GADL1: variants seen among roughly 807,000 people sequenced by gnomAD.
GADL1 encodes GAD like acidic amino acid decarboxylase 1, also known as acidic amino acid decarboxylase GADL1.
In GADL1, 71 loss-of-function variants were observed where a neutral mutation model predicts 69.5. The ratio of observed to expected loss-of-function variants is 1.02; its 90% CI spans 0.84 to 1.25. GADL1 has a LOEUF of 1.25. GADL1 is among the 50% of genes most tolerant of loss of function. The probability of loss-of-function intolerance (pLI) is 0.00; values close to 1 mark genes in which losing one functional copy is unlikely to be tolerated. For synonymous variants in GADL1, 254 were observed against 214.4 expected, an observed-to-expected ratio of 1.18 and a Z score of -1.62; for missense variants, 737 against 631.8, an observed-to-expected ratio of 1.17 and a Z score of -1.79.
chr3:30,879,816 CTG>C (rs1173065083), intron 1 of GADL1, among the ~76,000 whole-genome samples: 1 of 151,848 alleles, frequency 6.6e-6, no homozygotes, highest in East Asian at 1.9e-4. Flanking sequence ...GAAAAAAACT[CTG>C]TAATTTTGTT....
intron 13 of GADL1, among the ~76,000 whole-genome samples, chr3:30,784,367 C>T (rs1696742343): frequency 6.7e-6 from 1 of 150,040 alleles, no homozygotes; most frequent in Non-Finnish European, 1.5e-5. Context: ...GTTTTCCTCA[C>T]ATCACCGGCC....
At chr3:30,783,013 T>TAA (rs1361627317) in intron 13 of GADL1, among the ~76,000 whole-genome samples, 1 of 152,208 alleles carries the variant, frequency 6.6e-6, no homozygotes, top group Non-Finnish European at 1.5e-5. Flanking sequence ...AGAACATGAA[T>TAA]AATTAGAGCT....
intron 14 of GADL1, among the ~76,000 whole-genome samples, chr3:30,763,806 A>G (rs1696200395): frequency 6.6e-6 from 1 of 152,180 alleles, no homozygotes; most frequent in Non-Finnish European, 1.5e-5. Context: ...ATAGAGATAT[A>G]GATAACATAA....
At chr3:30,754,550 CAAAG>C (rs1455932982) in intron 14 of GADL1, among the ~76,000 whole-genome samples, 2 of 151,880 alleles carry the variant, frequency 1.3e-5, no homozygotes, top group African/African-American at 4.8e-5. Context: ...TGACAGATGA[CAAAG>C]AGTGTATTAC....
At chr3:30,737,478 T>C (rs795435) in intron 14 of GADL1, among the ~76,000 whole-genome samples, 48,544 of 152,022 alleles carry the variant, frequency 0.32, 9,456 homozygotes, top group Admixed American at 0.42. Flanking sequence ...TTAGTTTTGA[T>C]TGCTCAAAGA....
At chr3:30,768,033 A>AT (rs1696324320) in intron 14 of GADL1, among the ~76,000 whole-genome samples, 2 of 29,116 alleles carry the variant, frequency 6.9e-5, no homozygotes, top group African/African-American at 1.5e-4. Context: ...ATAACTCCCC[A>AT]TACCCCCCCC....
chr3:30,751,203 T>TAC (rs1187685181), intron 14 of GADL1, among the ~76,000 whole-genome samples: 1 of 152,072 alleles, frequency 6.6e-6, no homozygotes, highest in East Asian at 1.9e-4. Flanking sequence ...AAGCCTCACT[T>TAC]CAGCCTCTGA....
intron 13 of GADL1, among the ~76,000 whole-genome samples, chr3:30,783,250 A>T (rs923414527): frequency 2.0e-5 from 3 of 152,214 alleles, no homozygotes; most frequent in African/African-American, 7.2e-5. Context: ...CTCCCAAGAG[A>T]TAAAAAATAA....
At chr3:30,760,977 T>A (rs201037467) in intron 14 of GADL1, among the ~76,000 whole-genome samples, 1 of 115,884 alleles carries the variant, frequency 8.6e-6, no homozygotes, top group African/African-American at 3.2e-5. Context: ...GGCTAATAAA[T>A]ATTTACCTAG....
chr3:30,821,538 TAAG>T (rs57744598), intron 11 of GADL1, among the ~76,000 whole-genome samples: 52,074 of 151,514 alleles, frequency 0.34, 12,075 homozygotes, highest in African/African-American at 0.64. Context: ...AAATTTATCA[TAAG>T]AAGTTAAAAA....
At chr3:30,792,114 C>T (rs1696934241) in intron 12 of GADL1, among the ~76,000 whole-genome samples, 1 of 152,136 alleles carries the variant, frequency 6.6e-6, no homozygotes, top group East Asian at 1.9e-4. Context: ...GATTTTGAGG[C>T]AAGAGGAGAT....
intron 11 of GADL1, among the ~76,000 whole-genome samples, chr3:30,816,456 C>T (rs1204872802): frequency 6.6e-6 from 1 of 151,524 alleles, no homozygotes; most frequent in South Asian, 2.1e-4. Context: ...TTCCCTAGCC[C>T]CAGACACCTG....
chr3:30,850,848 T>A lies in GADL1; in HGVS notation c.522A>T (p.Gly174=), dbSNP rs1215719954. The change falls in exon 5 of 15, where the codon GGA becomes GGT. Residue 174 remains glycine, a synonymous_variant. Transcript: ENST00000282538. ...AATTGTACTCACCTGGGTTAAATAT[T>A]CCATCCCCTTCTTTCCAGCCAATAA... ...IEFIGWKEGD[G]IFNPGGSVSN... is the part of the protein sequence containing the mutation. 2 of 1,544,360 alleles carry A rather than the reference T, an allele frequency of 1.3e-6. No homozygotes were observed.
chr3:30,727,422 G>GTATATATATA lies in GADL1; in HGVS notation c.*810_*819dup, dbSNP rs71793815. On this transcript the variant is annotated 3_prime_UTR_variant, in exon 15 of 15. Transcript: ENST00000282538. Reference sequence around the variant, plus strand: ...TATATATATATATATGTGTGTGTGTGTATATATATATATATATATAATTTT... The same window carrying GTATATATATA: ...TATATATATATATATGTGTGTGTGTGTATATATATATATATATATATATATATATAATTTT... 2.4e-4 allele frequency: 34 copies of GTATATATATA among 143,586 alleles called. No homozygotes were observed. The highest frequency in any genetic ancestry group is 7.4e-4 in the African/African-American group (29 of 39,408). The allele number at this position is 143,586 out of a possible 1,614,324, so 8.9% of individuals were successfully genotyped here. A position where few individuals can be genotyped will look rare whatever the true frequency, so the allele number is the denominator to read the frequency against.
intron 12 of GADL1, among the ~76,000 whole-genome samples, chr3:30,791,635 C>A (rs1408703373): frequency 6.6e-6 from 1 of 152,064 alleles, no homozygotes; most frequent in Non-Finnish European, 1.5e-5. Flanking sequence ...TTTTGCTAAC[C>A]ATGTAGATCT....
intron 14 of GADL1, among the ~76,000 whole-genome samples, chr3:30,771,675 T>G (rs1696422838): frequency 6.6e-6 from 1 of 152,236 alleles, no homozygotes; most frequent in Admixed American, 6.5e-5. Context: ...TTTGAACATT[T>G]TTTAAAGTGC....
At chr3:30,854,460 T>C (rs754505961) in intron 4 of GADL1, among the ~76,000 whole-genome samples, 33 of 152,256 alleles carry the variant, frequency 2.2e-4, no homozygotes, top group Non-Finnish European at 4.0e-4. Flanking sequence ...GCCTAATCAA[T>C]TTTCTCATCT....
intron 14 of GADL1, among the ~76,000 whole-genome samples, chr3:30,741,571 C>T (rs1314532090): frequency 2.0e-5 from 3 of 151,958 alleles, no homozygotes; most frequent in African/African-American, 7.3e-5. Context: ...TAGAGAACTC[C>T]CCTCTCAAAA....
At chr3:30,836,050 A>G (rs940890705) in intron 9 of GADL1, among the ~76,000 whole-genome samples, 1 of 151,984 alleles carries the variant, frequency 6.6e-6, no homozygotes, top group Non-Finnish European at 1.5e-5. Context: ...CTTGACTTTC[A>G]TTACATATTC....
Sources: allele counts gnomAD v4.1 joint callset (sites outside exome capture counted in the v4.1 genomes callset), GRCh38; gene constraint gnomAD v4.1.1; transcripts MANE v1.5; gene names NCBI Gene and HGNC (gene_info 2026-07-23, HGNC 2026-07-21).